Variants in ABI3BP observed in about 807,000 individuals in gnomAD.
ABI3BP encodes the protein target of Nesh-SH3.
ABI3BP carries 216 observed loss-of-function variants against 268.6 expected under a neutral mutation model. The observed-to-expected ratio is 0.80, with a 90% confidence interval of 0.72 to 0.90. The LOEUF is 0.90. Among genes scored for constraint, ABI3BP ranks in the 40% least tolerant of loss-of-function variants. The pLI is 0.00. For missense variants in ABI3BP, 2,090 were observed against 2,182.4 expected (o/e 0.96, Z 0.84); for synonymous variants, 730 against 730.0 (o/e 1.00, Z 0.00).
chr3:100,841,704 C>T (rs953638745), intron 21 of ABI3BP, among the ~76,000 whole-genome samples: 3 of 151,898 alleles, frequency 2.0e-5, no homozygotes, highest in East Asian at 1.9e-4. Flanking sequence ...GCCTGGCCAG[C>T]GTGGTGAAAC....
intron 6 of ABI3BP, among the ~76,000 whole-genome samples, chr3:100,877,616 G>C (rs1456138989): frequency 1.3e-5 from 2 of 152,154 alleles, no homozygotes; most frequent in Non-Finnish European, 2.9e-5. Context: ...TGAGGCCAAG[G>C]ATAAGACAGA....
intron 33 of ABI3BP, among the ~76,000 whole-genome samples, chr3:100,829,093 C>T (rs573275218): frequency 6.6e-6 from 1 of 151,748 alleles, no homozygotes; most frequent in East Asian, 1.9e-4. Context: ...TATTACTCTT[C>T]CCCTGATTTT....
intron 50 of ABI3BP, among the ~76,000 whole-genome samples, 177 bp from the exon 51 acceptor site, chr3:100,805,043 G>C (rs1372846961): frequency 6.6e-6 from 1 of 152,108 alleles, no homozygotes; most frequent in Non-Finnish European, 1.5e-5. Flanking sequence ...AGGTTAGTTA[G>C]AATTCCAGAT....
intron 16 of ABI3BP, 132 bp downstream of exon 16, chr3:100,850,528 G>A: frequency 1.5e-6 from 1 of 675,614 alleles, no homozygotes; most frequent in South Asian, 2.0e-5. Flanking sequence ...ATATATAGAT[G>A]TATATATTGA....
intron 43 of ABI3BP, chr3:100,816,278 A>C: frequency 2.2e-6 from 1 of 451,678 alleles, no homozygotes; most frequent in Non-Finnish European, 3.9e-6. Context: ...GGCAACAGAT[A>C]CGAAAATACA....
chr3:100,834,783 G>A lies in ABI3BP; in HGVS notation c.2192-10C>T. The A allele has an allele frequency of 6.5e-7, 1 of 1,535,324 alleles. No homozygotes were observed. The highest frequency in any genetic ancestry group is 1.2e-5 in the South Asian group (1 of 84,048). On this transcript the variant is annotated splice_polypyrimidine_tract_variant and intron_variant, in intron 28 of 67. Coordinates refer to ENST00000471714, the MANE Select transcript of ABI3BP (RefSeq NM_001375547.2). ...TGCGATGTTTTTGGAGCTAAAGAAAGGAAACTGGTTATTGTAGTCATATGA... is the reference window on the plus strand; with the variant it reads ...TGCGATGTTTTTGGAGCTAAAGAAAAGAAACTGGTTATTGTAGTCATATGA...
chr3:100,765,304 A>G (rs1248598282), intron 63 of ABI3BP, among the ~76,000 whole-genome samples: 1 of 152,242 alleles, frequency 6.6e-6, no homozygotes, highest in Non-Finnish European at 1.5e-5. Context: ...GTTATCAAAC[A>G]ACGTTAAAGA....
At chr3:100,949,280 C>G (rs1223085104) in intron 1 of ABI3BP, among the ~76,000 whole-genome samples, 1 of 152,070 alleles carries the variant, frequency 6.6e-6, no homozygotes, top group African/African-American at 2.4e-5. Context: ...ATTGTTGAGA[C>G]AGACTCTCGC....
chr3:100,985,370 C>T (rs1420900567), intron 1 of ABI3BP, among the ~76,000 whole-genome samples: 2 of 151,740 alleles, frequency 1.3e-5, no homozygotes, highest in Non-Finnish European at 2.9e-5. Context: ...AGGATGGTCT[C>T]GATCCCCTGA....
At chr3:100,987,689 GA>G (rs2092170085) in intron 1 of ABI3BP, among the ~76,000 whole-genome samples, 1 of 152,106 alleles carries the variant, frequency 6.6e-6, no homozygotes, top group African/African-American at 2.4e-5. Flanking sequence ...GATTATTGTG[GA>G]AAATTTTTAT....
intron 59 of ABI3BP, among the ~76,000 whole-genome samples, chr3:100,776,899 C>T (rs575672542): frequency 6.6e-6 from 1 of 152,234 alleles, no homozygotes; most frequent in Admixed American, 6.5e-5. Context: ...CTGGAGGGGG[C>T]CCCCAAGTGG....
In ABI3BP at chr3:100,770,765, C is replaced by G; in HGVS notation, c.4719G>C (p.Lys1573Asn). 1 of 1,522,152 alleles carries G rather than the reference C, an allele frequency of 6.6e-7. No individual in the cohort carries two copies. Among genetic ancestry groups the G allele is most frequent in the Non-Finnish European group, 8.8e-7 (1 of 1,132,472 alleles). The allele number at this position is 1,522,152 out of a possible 1,614,324, so 94.3% of individuals were successfully genotyped here. The change falls in exon 62 of 68, where the codon AAG becomes AAC. Residue 1573 changes from lysine (K) to asparagine (N), a missense_variant. Coordinates refer to ENST00000471714, the MANE Select transcript of ABI3BP (RefSeq NM_001375547.2). The stretch of plus-strand genomic sequence containing the variant: ...TACCAGTGACAGTGTCATTTAGTGG[C>G]TTTTCCCAGTCCAAGATGACAAATG... Reference protein sequence around the residue: ...CPSFVILDWEKPLNDTVTEYE... With the variant: ...CPSFVILDWENPLNDTVTEYE...
chr3:100,750,433 G>T lies in ABI3BP; in HGVS notation c.*62C>A. Reference sequence around the variant, plus strand: ...AACAAAATAGCTTTAAATGAATGCGGCATAGTATTTTCAATGATTTTTGTT... The same window carrying T: ...AACAAAATAGCTTTAAATGAATGCGTCATAGTATTTTCAATGATTTTTGTT... On this transcript the variant is annotated 3_prime_UTR_variant, in exon 68 of 68. Transcript: ENST00000471714. 1 of 1,290,768 alleles carries T rather than the reference G, an allele frequency of 7.7e-7. No homozygotes were observed. Among genetic ancestry groups the T allele is most frequent in the Non-Finnish European group, 1.1e-6 (1 of 895,722 alleles). 80.0% of individuals were successfully genotyped at this position (1,290,768 alleles called of 1,614,324 possible).
At chr3:100,979,676 A>G (rs1202823481) in intron 1 of ABI3BP, among the ~76,000 whole-genome samples, 1 of 152,176 alleles carries the variant, frequency 6.6e-6, no homozygotes, top group Non-Finnish European at 1.5e-5. Context: ...GGTTATGATG[A>G]CTTTGGAAAA....
chr3:100,955,326 A>C (rs2076446596), intron 1 of ABI3BP, among the ~76,000 whole-genome samples: 1 of 152,162 alleles, frequency 6.6e-6, no homozygotes, highest in Non-Finnish European at 1.5e-5. Flanking sequence ...GGCTGGGTGG[A>C]CTTTTTAACA....
intron 8 of ABI3BP, 51 bp from the exon 9 acceptor site, chr3:100,874,984 C>T (rs1416839530): frequency 3.7e-6 from 4 of 1,088,462 alleles, no homozygotes; most frequent in Non-Finnish European, 4.1e-6. Context: ...TGCATCATGA[C>T]ATAAAATGAA....
chr3:100,792,723 G>A lies in ABI3BP; in HGVS notation c.3992C>T (p.Pro1331Leu). ...STQEPFTTKI[P>L]RTTELAKTTQ... The stretch of plus-strand genomic sequence containing the variant: ...TGTCTTTGCTAGTTCAGTTGTTCGT[G>A]GAATCTTAGTTGTGAAAGGTTCTTG... Residue 1331 changes from proline to leucine, a missense_variant, in exon 55 of 68, where the codon CCA becomes CTA. By Grantham distance (98) the Pro-to-Leu change is moderately conservative. Transcript: ENST00000471714. The A allele has an allele frequency of 1.2e-6, 2 of 1,611,564 alleles. No individual in the cohort carries two copies. The highest frequency in any genetic ancestry group is 1.7e-4 in the Middle Eastern group (1 of 6,042).
intron 1 of ABI3BP, among the ~76,000 whole-genome samples, chr3:100,944,541 T>G (rs2071177364): frequency 6.6e-6 from 1 of 152,152 alleles, no homozygotes; most frequent in African/African-American, 2.4e-5. Flanking sequence ...AAAATACTCT[T>G]GATAAAAAAT....
intron 1 of ABI3BP, among the ~76,000 whole-genome samples, chr3:100,935,542 G>A (rs1224805745): frequency 6.6e-6 from 1 of 151,984 alleles, no homozygotes; most frequent in Non-Finnish European, 1.5e-5. Context: ...GATCAGGATA[G>A]GATTAAATCT....
Sources: allele counts gnomAD v4.1 joint callset (sites outside exome capture counted in the v4.1 genomes callset), GRCh38; gene constraint gnomAD v4.1.1; transcripts MANE v1.5; gene names NCBI Gene and HGNC (gene_info 2026-07-23, HGNC 2026-07-21).